The following KRT85 variants were observed in gnomAD, a reference collection of about 807,000 sequenced individuals.
KRT85 encodes the protein keratin, type II cuticular Hb5.
A neutral mutation model predicts 53.7 loss-of-function variants in KRT85; 39 were observed. The observed-to-expected ratio is 0.73, with a 90% CI of 0.56 to 0.95. The LOEUF (loss-of-function observed/expected upper bound fraction) is 0.95, where lower values mean the gene tolerates loss of function less well. Ranked by LOEUF, KRT85 falls within the 40% of genes least tolerant of loss-of-function variation. The pLI, the probability that KRT85 is intolerant of heterozygous loss-of-function variation, is 0.00. For missense variants in KRT85, 668 were observed against 686.0 expected (o/e 0.97, Z 0.29); for synonymous variants, 291 against 277.5 (o/e 1.05, Z -0.48).
rs1565766712 is a variant in KRT85 at position 52,360,708 on chromosome 12, G to A, written c.*145C>T. On this transcript the variant is annotated 3_prime_UTR_variant, in exon 9 of 9. Transcript: ENST00000257901. ...GAAAAGGCGCAGGGGAGCGGCCCGAGGGTCTTTCCCTCTGTAGGTCTTTCC... is the reference window on the plus strand; with the variant it reads ...GAAAAGGCGCAGGGGAGCGGCCCGAAGGTCTTTCCCTCTGTAGGTCTTTCC... 1.1e-6 allele frequency: 1 copy of A among 930,612 alleles called. No homozygotes were observed. Among genetic ancestry groups the A allele is most frequent in the Non-Finnish European group, 1.7e-6 (1 of 584,890 alleles). 57.6% of individuals were successfully genotyped at this position (930,612 alleles called of 1,614,324 possible).
At chr12:52,365,896 G>T (rs1565769638) in intron 1 of KRT85, among the ~76,000 whole-genome samples, 1 of 152,188 alleles carries the variant, frequency 6.6e-6, no homozygotes, top group Non-Finnish European at 1.5e-5. Flanking sequence ...CCAAGTTGCT[G>T]TCTGATAAGT....
At position 52,363,308 on chromosome 12, in the gene KRT85, C is replaced by A; in HGVS notation, c.889G>T (p.Ala297Ser). 1 of 1,614,196 alleles carries A rather than the reference C, an allele frequency of 6.2e-7. No individual in the cohort carries two copies. The highest frequency in any genetic ancestry group is 8.5e-7 in the Non-Finnish European group (1 of 1,180,036). Residue 297 changes from alanine (A) to serine (S), a missense_variant, in exon 5 of 9, where the codon GCT becomes TCT. Ala to Ser is a moderately conservative substitution (Grantham distance 99, BLOSUM62 1). Coordinates refer to ENST00000257901, the MANE Select transcript of KRT85 (RefSeq NM_002283.4). ...NMDCIIAEIKAQYDDVASRSR... is the reference protein window; with the variant it reads ...NMDCIIAEIKSQYDDVASRSR... ...CGGCTGGCAACATCGTCATACTGAG[C>A]CTTGATCTCAGCGATGATGCAGTCC...
chr12:52,363,239 C>T lies in KRT85; in HGVS notation c.951+7G>A, dbSNP rs752499748. ...TGCTTAGCAGGCAGGTGTCCTGTGC[C>T]ACTCACCTTGCTACGGTACCAGGAC... On this transcript the variant is annotated splice_region_variant and intron_variant, in intron 5 of 8. Transcript: ENST00000257901. 3.1e-6 allele frequency: 5 copies of T among 1,614,068 alleles called. No individual in the cohort carries two copies. The highest frequency in any genetic ancestry group is 1.7e-5 in the Admixed American group (1 of 60,012).
chr12:52,361,167 A>G (rs761437778), intron 8 of KRT85, 121 bp from the exon 9 acceptor site: 13 of 912,520 alleles, frequency 1.4e-5, no homozygotes, highest in Non-Finnish European at 2.1e-5. Flanking sequence ...TCAACAATGC[A>G]GGCCCTGTCC....
At position 52,360,016 on chromosome 12, in the gene KRT85, G is replaced by A. The variant is rs1190125489; in HGVS notation, c.*837C>T. The A allele has an allele frequency of 6.6e-6, 1 of 152,536 alleles. No homozygotes were observed. Among genetic ancestry groups the A allele is most frequent in the Non-Finnish European group, 1.5e-5 (1 of 68,178 alleles). 9.4% of individuals were successfully genotyped at this position (152,536 alleles called of 1,614,324 possible). On this transcript the variant is annotated 3_prime_UTR_variant, in exon 9 of 9. Coordinates refer to ENST00000257901, the MANE Select transcript of KRT85 (RefSeq NM_002283.4). ...CAAGACCACACGCTCTTGCATTGCA[G>A]CGGCATTTATTGAAACACAGATCGA... is the stretch of plus-strand genomic sequence containing the variant.
Position 52,364,546 on chromosome 12 carries a change from C to T in KRT85, c.630-180G>A. ...GCCAGCCCTTGTCCTAGCCTGGCTT[C>T]ATTCCGCCGCAGTCCTTCTGCCTCT... On this transcript the variant is annotated intron_variant, in intron 2 of 8. Transcript: ENST00000257901. 8 of 1,471,334 alleles carry T rather than the reference C, an allele frequency of 5.4e-6. No homozygotes were observed. The South Asian group carries it at 1.1e-4, about 21-fold the overall frequency. The allele number at this position is 1,471,334 out of a possible 1,614,324, so 91.1% of individuals were successfully genotyped here.
Position 52,360,957 on chromosome 12 carries a change from T to C in KRT85, c.1420A>G (p.Ile474Val). The C allele has an allele frequency of 6.2e-7, 1 of 1,613,286 alleles. No individual in the cohort carries two copies. Among genetic ancestry groups the C allele is most frequent in the Non-Finnish European group, 8.5e-7 (1 of 1,179,920 alleles). ...GCCACCACCGTGATGCTGCCGCCTA[T>C]GGCTGAGGGGCCAGAAGTGATCTGG... ...GRQITSGPSAIGGSITVVAPD... is the reference protein window; with the variant it reads ...GRQITSGPSAVGGSITVVAPD... Residue 474 changes from isoleucine (I) to valine (V), a missense_variant, in exon 9 of 9, where the codon ATA (isoleucine) becomes GTA (valine). Ile to Val is a conservative substitution (Grantham distance 29, BLOSUM62 3). Coordinates refer to ENST00000257901, the MANE Select transcript of KRT85 (RefSeq NM_002283.4).
chr12:52,361,871 C>T (rs1220729451), intron 7 of KRT85, among the ~76,000 whole-genome samples: 1 of 152,054 alleles, frequency 6.6e-6, no homozygotes, highest in African/African-American at 2.4e-5. Flanking sequence ...TCATAACACA[C>T]AGGCCTGTGT....
chr12:52,364,495 G>T, intron 2 of KRT85, 129 bp from the exon 3 acceptor site: 1 of 1,553,728 alleles, frequency 6.4e-7, no homozygotes. Flanking sequence ...GGCCCCTCCA[G>T]GATCTATTTT....
rs141486061 is a variant in KRT85, at chr12:52,361,723, C to T, written c.1299-225G>A. On this transcript the variant is annotated intron_variant, in intron 7 of 8. Coordinates refer to ENST00000257901, the MANE Select transcript of KRT85 (RefSeq NM_002283.4). Reference sequence around the variant, plus strand: ...GCAGTGGGTAAGATTATGAACAGTGCCCCTAGTTTGAGTGATGGTGGCCAG... The same window carrying T: ...GCAGTGGGTAAGATTATGAACAGTGTCCCTAGTTTGAGTGATGGTGGCCAG... Among the ~76,000 whole-genome samples the T allele has an allele frequency of 1.7e-3, 258 of 152,308 alleles. 1 individual carries two copies. Among genetic ancestry groups the T allele is most frequent in the African/African-American group, 5.7e-3 (237 of 41,570 alleles).
At chr12:52,365,709 C>T (rs1939261261) in intron 1 of KRT85, among the ~76,000 whole-genome samples, 1 of 152,140 alleles carries the variant, frequency 6.6e-6, no homozygotes. Flanking sequence ...CTATGCATTC[C>T]ATTCAATTAT....
chr12:52,361,432 C>A (rs1565767155), intron 8 of KRT85, 35 bp downstream of exon 8: 2 of 1,608,782 alleles, frequency 1.2e-6, no homozygotes, highest in South Asian at 2.2e-5. Flanking sequence ...ATCAAAAAAG[C>A]CATTTTTCCA....
intron 6 of KRT85, among the ~76,000 whole-genome samples, 153 bp from the exon 7 acceptor site, chr12:52,362,624 G>A (rs1346301943): frequency 1.3e-5 from 2 of 152,184 alleles, no homozygotes; most frequent in Non-Finnish European, 2.9e-5. Flanking sequence ...TGAGGGAGGA[G>A]ATGGGTGGGC....
chr12:52,364,928 T>C (rs1165857277), intron 2 of KRT85, 34 bp downstream of exon 2: 2 of 1,611,950 alleles, frequency 1.2e-6, no homozygotes, highest in African/African-American at 2.7e-5. Context: ...TCTCTCTGAG[T>C]TTCCCCTGAG....
At chr12:52,363,790 C>A (rs1939230792) in intron 4 of KRT85, among the ~76,000 whole-genome samples, 1 of 152,196 alleles carries the variant, frequency 6.6e-6, no homozygotes, top group African/African-American at 2.4e-5. Context: ...CACTCTCTTG[C>A]CCATCTGTAG....
Position 52,363,358 on chromosome 12 carries a change from A to G in KRT85, c.839T>C (p.Met280Thr). ...HISDTSVIVKMDNSRDLNMDC... is the reference protein window; with the variant it reads ...HISDTSVIVKTDNSRDLNMDC... ...CATGTTCAGGTCTCGGCTGTTGTCC[A>G]TCTTGACTATGACCGAGGTGTCTGA... Residue 280 changes from methionine (M) to threonine (T), a missense_variant, in exon 5 of 9, where the codon ATG (methionine) becomes ACG (threonine). Met to Thr is a moderately conservative substitution (Grantham distance 81, BLOSUM62 -1). Around this residue, in one of 3 missense-constraint regions of KRT85, gnomAD observed 488 missense variants for 498.1 expected, o/e 0.98. Transcript: ENST00000257901. 1.9e-6 allele frequency: 3 copies of G among 1,614,114 alleles called. No homozygotes were observed. The highest frequency in any genetic ancestry group is 2.2e-5 in the South Asian group (2 of 91,068).
rs141320723 is a variant in KRT85, at chr12:52,367,061, G to T, written c.345C>A (p.Asn115Lys). ...TCTCCTCCTGCTTCACGCACTGTGC[G>T]TTGGGGTCGATCTCCAGGTTGAGGG... ...LTPLNLEIDP[N>K]AQCVKQEEKE... Residue 115 changes from asparagine (N) to lysine (K), a missense_variant, in exon 1 of 9, where the codon AAC becomes AAA. Physicochemically the swap from Asn to Lys is moderately conservative, Grantham distance 94 (BLOSUM62 0). Coordinates refer to ENST00000257901, the MANE Select transcript of KRT85 (RefSeq NM_002283.4). 4.2e-5 allele frequency: 68 copies of T among 1,613,572 alleles called. No homozygotes were observed. Among genetic ancestry groups the T allele is most frequent in the Non-Finnish European group, 5.2e-5 (61 of 1,179,898 alleles).
rs140619274 is a variant in KRT85 at position 52,362,289 on chromosome 12, G to A, written c.1260C>T (p.Ile420=). Residue 420 remains isoleucine (I), a synonymous_variant, in exon 7 of 9, where the codon ATC becomes ATT. Coordinates refer to ENST00000257901, the MANE Select transcript of KRT85 (RefSeq NM_002283.4). ...MNSKLGLDIE[I]ATYRRLLEGE... ...CCTCCAGCAGGCGCCTGTAGGTGGC[G>A]ATCTCGATGTCCAGGCCCAGCTTGG... 6.6e-5 allele frequency: 107 copies of A among 1,614,156 alleles called. No homozygotes were observed. In the African/African-American group the frequency reaches 1.0e-3, roughly 15 times the overall value.
At chr12:52,366,554 C>T (rs759863169) in intron 1 of KRT85, among the ~76,000 whole-genome samples, 5 of 152,194 alleles carry the variant, frequency 3.3e-5, no homozygotes, top group Non-Finnish European at 5.9e-5. Flanking sequence ...GCACCTGCTG[C>T]CCAGTCTGGT....
Sources: gnomAD v4.1 joint callset for allele counts (sites outside exome capture counted in the v4.1 genomes callset) on GRCh38, gnomAD v4.1.1 for gene constraint, gnomAD v4.1.1 regional missense constraint, MANE v1.5 for transcripts, NCBI Gene and HGNC (gene_info 2026-07-23, HGNC 2026-07-21) for gene names.